FLNC: variants seen among roughly 807,000 people sequenced by gnomAD.
FLNC encodes the protein filamin C, also known as filamin-C.
FLNC carries 91 observed loss-of-function variants against 254.3 expected under a neutral mutation model. The ratio of observed to expected loss-of-function variants is 0.36; its 90% confidence interval spans 0.30 to 0.43. The LOEUF is 0.43. Among genes scored for constraint, FLNC ranks in the 20% least tolerant of loss-of-function variants. The probability of loss-of-function intolerance (pLI) is 1.00; values close to 1 mark genes in which losing one functional copy is unlikely to be tolerated. For synonymous variants in FLNC, 1,430 were observed against 1,577.2 expected, an observed-to-expected ratio of 0.91 and a Z score of 2.21; for missense variants, 2,853 against 3,802.6, an observed-to-expected ratio of 0.75 and a Z score of 6.57.
Position 128,840,929 on chromosome 7 carries a change from A to C in FLNC, c.1772A>C (p.Asp591Ala), listed in dbSNP as rs774626629. 6.2e-7 allele frequency: 1 copy of C among 1,608,804 alleles called. No homozygotes were observed. The highest frequency in any genetic ancestry group is 1.7e-5 in the Admixed American group (1 of 59,154). The change falls in exon 11 of 48, where the codon GAT becomes GCT. Residue 591 changes from aspartate (D) to alanine (A), a missense_variant. Physicochemically the swap from Asp to Ala is moderately radical, Grantham distance 126. Coordinates refer to ENST00000325888, the MANE Select transcript of FLNC (RefSeq NM_001458.5). ...ACTGGCCAGGTGGGCAAGTCAGCCG[A>C]TTTTGTGGTGGAAGCCATTGGCACC... Reference protein sequence around the residue: ...LETGQVGKSADFVVEAIGTEV... With the variant: ...LETGQVGKSAAFVVEAIGTEV...
Position 128,842,433 on chromosome 7 carries a change from C to T in FLNC, c.2265+59C>T, listed in dbSNP as rs1277050557. ...CAGGGGTCCCTGAGGGAGGGCGGAA[C>T]CCTCGCTGGAGTCCCTGTTGTCCCT... On this transcript the variant is annotated intron_variant, in intron 14 of 47. Transcript: ENST00000325888. The surrounding 1 kb of genome is among the most constrained non-coding windows in gnomAD (Gnocchi z 5.4). 1.9e-6 allele frequency: 3 copies of T among 1,610,898 alleles called. No individual in the cohort carries two copies. Among genetic ancestry groups the T allele is most frequent in the Non-Finnish European group, 2.5e-6 (3 of 1,178,604 alleles).
chr7:128,847,299 G>A (rs936475259), intron 24 of FLNC, among the ~76,000 whole-genome samples: 1 of 152,228 alleles, frequency 6.6e-6, no homozygotes, highest in African/African-American at 2.4e-5. Flanking sequence ...CCAGCTGCCC[G>A]GGCAGGTCAT....
intron 33 of FLNC, 84 bp downstream of exon 33, chr7:128,851,027 T>C: frequency 1.9e-6 from 3 of 1,573,628 alleles, no homozygotes; most frequent in Admixed American, 1.7e-5. Context: ...TTTCAACAAA[T>C]ATTTATTGAG....
intron 33 of FLNC, 88 bp from the exon 34 acceptor site, chr7:128,851,144 C>T: frequency 6.3e-7 from 1 of 1,598,140 alleles, no homozygotes; most frequent in Non-Finnish European, 8.6e-7. Flanking sequence ...AGGGGGTTGG[C>T]AGGGAGGCTG....
Position 128,858,883 on chromosome 7 carries a change from T to A in FLNC, c.*360T>A. 1 of 346,508 alleles carries A rather than the reference T, an allele frequency of 2.9e-6. No homozygotes were observed. Among genetic ancestry groups the A allele is most frequent in the Non-Finnish European group, 5.5e-6 (1 of 182,532 alleles). The allele number at this position is 346,508 out of a possible 1,614,324, so 21.5% of individuals were successfully genotyped here. Reference sequence around the variant, plus strand: ...GGGAGCATTGTGTTGTGGGTGTCTGTGTGTGAGGTCACCCTCAAACTGCAC... The same window carrying A: ...GGGAGCATTGTGTTGTGGGTGTCTGAGTGTGAGGTCACCCTCAAACTGCAC... On this transcript the variant is annotated 3_prime_UTR_variant, in exon 48 of 48. Transcript: ENST00000325888. The surrounding 1 kb of genome is among the most constrained non-coding windows in gnomAD (Gnocchi z 6.7).
At chr7:128,840,458 G>T in intron 9 of FLNC, 90 bp from the exon 10 acceptor site, 1 of 1,585,014 alleles carries the variant, frequency 6.3e-7, no homozygotes. Context: ...GGCTGGGTCG[G>T]GGTCCCAATG....
rs750912950 is a variant in FLNC at position 128,841,385 on chromosome 7, A to C, written c.2007+22A>C. The C allele has an allele frequency of 6.2e-7, 1 of 1,613,264 alleles. No individual in the cohort carries two copies. Among genetic ancestry groups the C allele is most frequent in the Non-Finnish European group, 8.5e-7 (1 of 1,179,570 alleles). On this transcript the variant is annotated intron_variant, in intron 12 of 47. Coordinates refer to ENST00000325888, the MANE Select transcript of FLNC (RefSeq NM_001458.5). The surrounding 1 kb of genome is among the most constrained non-coding windows in gnomAD (Gnocchi z 4.3). Reference sequence around the variant, plus strand: ...TAAGGTGTGGTCCCAGCTCACACACACCTGCCCCGGGGGTGGGGCAAGCTG... The same window carrying C: ...TAAGGTGTGGTCCCAGCTCACACACCCCTGCCCCGGGGGTGGGGCAAGCTG...
At chr7:128,834,552 C>T (rs1808022185) in intron 1 of FLNC, among the ~76,000 whole-genome samples, 1 of 131,998 alleles carries the variant, frequency 7.6e-6, no homozygotes. Flanking sequence ...TGAGTGGAAA[C>T]TTGTCCTACC....
At chr7:128,851,760 T>C in intron 35 of FLNC, 132 bp downstream of exon 35, 1 of 896,536 alleles carries the variant, frequency 1.1e-6, no homozygotes, top group South Asian at 1.4e-5. Flanking sequence ...TGAGGGGTCA[T>C]ATTTTGATAA....
rs1485141460 is a variant in FLNC, at chr7:128,830,669, G to T, written c.32G>T (p.Gly11Val). The T allele has an allele frequency of 1.9e-6, 3 of 1,612,470 alleles. No homozygotes were observed. In the South Asian group the frequency reaches 3.3e-5, roughly 18 times the overall value. The stretch of plus-strand genomic sequence containing the variant: ...AACAACAGCGGCTACTCAGACGCCG[G>T]CCTCGGCCTGGGCGATGAGACAGAC... MMNNSGYSDA[G>V]LGLGDETDEM... is the part of the protein sequence containing the mutation. The change falls in exon 1 of 48, where the codon GGC (glycine) becomes GTC (valine). Residue 11 changes from glycine to valine, a missense_variant. Transcript: ENST00000325888.
rs766913091 is a variant in FLNC at position 128,842,942 on chromosome 7, G to T, written c.2538G>T (p.Leu846=). Residue 846 remains leucine (L), a synonymous_variant, in exon 16 of 48, where the codon CTG becomes CTT. Transcript: ENST00000325888. This position sits in a 1 kb window ranked among gnomAD's most constrained non-coding sequence, Gnocchi z 5.4. ...CGGGCCGCTACACCATCATGGTGCT[G>T]TTTGCCAACCAGGTACCTAAGCTCC... ...PGAGRYTIMV[L]FANQEIPASP... The T allele has an allele frequency of 4.3e-6, 7 of 1,613,996 alleles. No individual in the cohort carries two copies. Among genetic ancestry groups the T allele is most frequent in the Non-Finnish European group, 5.9e-6 (7 of 1,180,018 alleles).
At chr7:128,844,408 C>A (rs2639139) in intron 20 of FLNC, 142 bp downstream of exon 20, 2 of 1,084,188 alleles carry the variant, frequency 1.8e-6, no homozygotes, top group African/African-American at 1.6e-5. Context: ...AGCCCCACCC[C>A]ACCACCTGCC....
chr7:128,845,909 G>A, intron 21 of FLNC, 81 bp from the exon 22 acceptor site: 3 of 1,278,530 alleles, frequency 2.3e-6, no homozygotes, highest in Non-Finnish European at 3.4e-6. Flanking sequence ...GAGAGGAGAG[G>A]GAAAGGAGGG....
At chr7:128,850,983 G>A (rs1808784837) in intron 33 of FLNC, 40 bp downstream of exon 33, 1 of 1,608,406 alleles carries the variant, frequency 6.2e-7, no homozygotes, top group South Asian at 1.1e-5. Flanking sequence ...TTGGGTGAGA[G>A]GAGCAGGCCG....
At chr7:128,831,089 G>T in intron 1 of FLNC, 100 bp downstream of exon 1, 1 of 1,106,406 alleles carries the variant, frequency 9.0e-7, no homozygotes, top group South Asian at 1.4e-5. Context: ...CTGAGAGACA[G>T]GGCGGAGGGC....
chr7:128,850,781 C>T (rs372440822), intron 32 of FLNC, 22 bp from the exon 33 acceptor site: 431 of 1,613,466 alleles, frequency 2.7e-4, no homozygotes, highest in Middle Eastern at 1.6e-4. Context: ...AGGGTCTCCA[C>T]GTAACTGTGT....
intron 26 of FLNC, 71 bp from the exon 27 acceptor site, chr7:128,848,490 C>T: frequency 1.3e-6 from 2 of 1,530,344 alleles, no homozygotes; most frequent in Non-Finnish European, 1.8e-6. Flanking sequence ...GACTCTGGCT[C>T]AAGATGAGAT....
intron 1 of FLNC, among the ~76,000 whole-genome samples, chr7:128,832,011 C>T (rs1356419257): frequency 6.6e-6 from 1 of 152,148 alleles, no homozygotes; most frequent in Non-Finnish European, 1.5e-5. Context: ...GTGCACCCCA[C>T]GGCCCCAGGA....
chr7:128,848,886 A>T lies in FLNC; in HGVS notation c.4831A>T (p.Thr1611Ser), dbSNP rs770231264. 20 of 1,613,562 alleles carry T rather than the reference A, an allele frequency of 1.2e-5. No homozygotes were observed. Among genetic ancestry groups the T allele is most frequent in the Non-Finnish European group, 1.6e-5 (19 of 1,179,888 alleles). The change falls in exon 28 of 48, where the codon ACC (threonine) becomes TCC (serine). Residue 1611 changes from threonine (T) to serine (S), a missense_variant. By Grantham distance (58) the Thr-to-Ser change is moderately conservative. Around this residue, in one of 10 missense-constraint regions of FLNC, gnomAD observed 1,573 missense variants for 1,883.5 expected, o/e 0.84. Coordinates refer to ENST00000325888, the MANE Select transcript of FLNC (RefSeq NM_001458.5). ...SYLPDMSGRY[T>S]ITIKYGGDEI... Reference sequence around the variant, plus strand: ...CCTGCCGGACATGAGTGGCCGGTACACCATCACCATCAAGTATGGCGGTGA... The same window carrying T: ...CCTGCCGGACATGAGTGGCCGGTACTCCATCACCATCAAGTATGGCGGTGA...
Sources: gnomAD v4.1 joint callset for allele counts (sites outside exome capture counted in the v4.1 genomes callset) on GRCh38, gnomAD v4.1.1 for gene constraint, gnomAD v4.1.1 regional missense constraint, Gnocchi (gnomAD v3.1) non-coding constraint, MANE v1.5 for transcripts, NCBI Gene and HGNC (gene_info 2026-07-23, HGNC 2026-07-21) for gene names.